Variants in SNAPC1 observed in about 807,000 individuals in gnomAD.
SNAPC1 encodes the protein small nuclear RNA activating complex polypeptide 1.
In SNAPC1, 42 loss-of-function variants were observed where a neutral mutation model predicts 50.1. That is an observed-to-expected ratio of 0.84 (90% confidence interval 0.65 to 1.08). The LOEUF (loss-of-function observed/expected upper bound fraction) is 1.08. Among genes scored for constraint, SNAPC1 ranks in the 50% least tolerant of loss-of-function variants. The pLI is 0.00. For synonymous variants in SNAPC1, 164 were observed against 144.2 expected, an observed-to-expected ratio of 1.14 and a Z score of -0.98; for missense variants, 477 against 427.3, an observed-to-expected ratio of 1.12 and a Z score of -1.02.
At chr14:61,779,276 TTTTG>T (rs1319577737) in intron 7 of SNAPC1, among the ~76,000 whole-genome samples, 4 of 152,212 alleles carry the variant, frequency 2.6e-5, no homozygotes, top group African/African-American at 7.2e-5. Flanking sequence ...TGTACATCTT[TTTTG>T]TTTATTGCCC....
At position 61,768,926 on chromosome 14, in the gene SNAPC1, T is replaced by C. The variant is rs147639620; in HGVS notation, c.534+186T>C. ...ATATCAAGGCTTACAAATCTTGAAA[T>C]AGCGTGAGAAAAAAAGATGTAGAAG... On this transcript the variant is annotated intron_variant, in intron 4 of 9. Transcript: ENST00000216294. Among the ~76,000 whole-genome samples, 855 of 152,244 alleles carry C rather than the reference T, an allele frequency of 5.6e-3. 10 individuals carry two copies. Among genetic ancestry groups the C allele is most frequent in the African/African-American group, 0.018 (761 of 41,546 alleles).
At chr14:61,780,840 G>T (rs2045066304) in intron 7 of SNAPC1, among the ~76,000 whole-genome samples, 1 of 151,874 alleles carries the variant, frequency 6.6e-6, no homozygotes, top group Admixed American at 6.6e-5. Flanking sequence ...TAGTGTGTCT[G>T]TGGTTTCTGC....
At chr14:61,763,662 T>TC (rs2044925991) in intron 1 of SNAPC1, among the ~76,000 whole-genome samples, 1 of 152,084 alleles carries the variant, frequency 6.6e-6, no homozygotes, top group African/African-American at 2.4e-5. Flanking sequence ...TCATGTTTTT[T>TC]CCCCGCATAG....
intron 7 of SNAPC1, 64 bp from the exon 8 acceptor site, chr14:61,782,183 C>T (rs1273168290): frequency 1.7e-6 from 2 of 1,196,538 alleles, no homozygotes. Flanking sequence ...TTTTGTCTTC[C>T]TCTCAATTTT....
At chr14:61,775,727 A>G (rs999422923) in intron 4 of SNAPC1, among the ~76,000 whole-genome samples, 5 of 152,154 alleles carry the variant, frequency 3.3e-5, no homozygotes, top group African/African-American at 1.2e-4. Flanking sequence ...AATATGATAT[A>G]AAAATATCTT....
intron 5 of SNAPC1, among the ~76,000 whole-genome samples, chr14:61,776,590 TTGGC>T (rs2045036904): frequency 2.0e-5 from 3 of 152,242 alleles, no homozygotes; most frequent in Admixed American, 6.5e-5. Flanking sequence ...TGTGTTTTGT[TTGGC>T]ATAGTGTTGA....
At chr14:61,780,187 G>C (rs1021494306) in intron 7 of SNAPC1, among the ~76,000 whole-genome samples, 3 of 152,174 alleles carry the variant, frequency 2.0e-5, no homozygotes, top group African/African-American at 7.2e-5. Flanking sequence ...AATAAGCCCA[G>C]CTGCCAATGT....
chr14:61,785,157 C>T (rs541142990), intron 8 of SNAPC1, among the ~76,000 whole-genome samples: 49 of 152,268 alleles, frequency 3.2e-4, no homozygotes, highest in South Asian at 1.2e-3. Context: ...AATCACAGCA[C>T]TTTGGGAGGC....
At chr14:61,780,663 G>A (rs2045065202) in intron 7 of SNAPC1, among the ~76,000 whole-genome samples, 1 of 152,032 alleles carries the variant, frequency 6.6e-6, no homozygotes, top group South Asian at 2.1e-4. Context: ...TTCTTTTGTT[G>A]TACAGAAGCT....
At chr14:61,787,649 T>C (rs2045124565) in intron 8 of SNAPC1, among the ~76,000 whole-genome samples, 2 of 152,216 alleles carry the variant, frequency 1.3e-5, no homozygotes, top group South Asian at 4.1e-4. Flanking sequence ...CTCAGCAGTG[T>C]ATGAATGGTT....
chr14:61,767,250 A>T lies in SNAPC1; in HGVS notation c.327A>T (p.Lys109Asn). ...VALKDWDEVL[K>N]FQQDLVNAQH... ...TGAAGGATTGGGATGAAGTTTTAAA[A>T]TTTCAGCAAGATTTAGTAAATGCAC... Residue 109 changes from lysine (K) to asparagine (N), a missense_variant, in exon 3 of 10, where the codon AAA becomes AAT. Transcript: ENST00000216294. 1 of 1,518,542 alleles carries T rather than the reference A, an allele frequency of 6.6e-7. No individual in the cohort carries two copies. The highest frequency in any genetic ancestry group is 8.8e-7 in the Non-Finnish European group (1 of 1,131,746). The allele number at this position is 1,518,542 out of a possible 1,614,324, so 94.1% of individuals were successfully genotyped here.
chr14:61,767,106 A>G (rs572732686), intron 2 of SNAPC1, 71 bp downstream of exon 2: 3 of 1,056,734 alleles, frequency 2.8e-6, no homozygotes, highest in South Asian at 5.6e-5. Context: ...AATAAATATT[A>G]TATGATTAAA....
Position 61,778,328 on chromosome 14 carries a change from A to G in SNAPC1, c.762+188A>G, listed in dbSNP as rs147923497. ...GGTGTAGATTGGGAGAGAGGATGAT[A>G]ATAATTTTCCGCAGGGAAAGGAAAG... On this transcript the variant is annotated intron_variant, in intron 6 of 9. Coordinates refer to ENST00000216294, the MANE Select transcript of SNAPC1 (RefSeq NM_003082.4). 8.7e-3 allele frequency among the ~76,000 whole-genome samples: 1,319 copies of G among 151,822 alleles called. 10 individuals carry two copies. The highest frequency in any genetic ancestry group is 0.012 in the Non-Finnish European group (822 of 67,868).
At chr14:61,764,043 T>C (rs1045518776) in intron 1 of SNAPC1, among the ~76,000 whole-genome samples, 2 of 152,184 alleles carry the variant, frequency 1.3e-5, no homozygotes, top group Admixed American at 1.3e-4. Flanking sequence ...CAAGAGATTC[T>C]CCTGCCTCAG....
intron 9 of SNAPC1, among the ~76,000 whole-genome samples, chr14:61,794,700 A>G (rs2045176226): frequency 6.6e-6 from 1 of 152,178 alleles, no homozygotes; most frequent in South Asian, 2.1e-4. Flanking sequence ...GAGCCACTGC[A>G]CCTGGCCGAT....
At chr14:61,781,899 G>T (rs948410624) in intron 7 of SNAPC1, among the ~76,000 whole-genome samples, 9 of 152,222 alleles carry the variant, frequency 5.9e-5, no homozygotes, top group African/African-American at 2.2e-4. Context: ...CAAGCGTGAA[G>T]TACTTCTACT....
At chr14:61,783,846 G>GT (rs2045096373) in intron 8 of SNAPC1, among the ~76,000 whole-genome samples, 1 of 151,968 alleles carries the variant, frequency 6.6e-6, no homozygotes, top group Non-Finnish European at 1.5e-5. Flanking sequence ...CAATAGTTTG[G>GT]TTTTTTAAAA....
At chr14:61,774,457 G>T (rs183896524) in intron 4 of SNAPC1, among the ~76,000 whole-genome samples, 2 of 152,078 alleles carry the variant, frequency 1.3e-5, no homozygotes, top group Non-Finnish European at 2.9e-5. Context: ...CATCCATTGA[G>T]CAAATGACAG....
chr14:61,794,070 AT>A (rs2045171380), intron 9 of SNAPC1, among the ~76,000 whole-genome samples: 1 of 152,158 alleles, frequency 6.6e-6, no homozygotes, highest in South Asian at 2.1e-4. Context: ...TAGATGGACA[AT>A]TATTCGAGTG....
Sources: gnomAD v4.1 joint callset for allele counts (sites outside exome capture counted in the v4.1 genomes callset) on GRCh38, gnomAD v4.1.1 for gene constraint, MANE v1.5 for transcripts, NCBI Gene and HGNC (gene_info 2026-07-23, HGNC 2026-07-21) for gene names.